Variants in PRKN observed in about 807,000 individuals in gnomAD.
PRKN encodes the protein parkin RBR E3 ubiquitin protein ligase.
Under a neutral mutation model 59.5 loss-of-function variants are expected in PRKN, and 56 were observed. That is an observed-to-expected ratio of 0.94 (90% CI 0.76 to 1.18). The LOEUF (loss-of-function observed/expected upper bound fraction) is 1.18. PRKN is among the 50% of genes most tolerant of loss of function. PRKN has a pLI of 0.00. For missense variants in PRKN, 657 were observed against 596.4 expected, an observed-to-expected ratio of 1.10 and a Z score of -1.06; for synonymous variants, 250 against 222.1, an observed-to-expected ratio of 1.13 and a Z score of -1.12.
At chr6:161,688,135 T>C (rs6904254) in intron 7 of PRKN, among the ~76,000 whole-genome samples, 1,679 of 152,300 alleles carry the variant, frequency 0.011, 30 homozygotes, top group African/African-American at 0.039. Context: ...TTAAGCTGCA[T>C]TGCTTTTCCG....
Position 161,464,524 on chromosome 6 carries a change from A to C in PRKN, c.1084-77647T>G, listed in dbSNP as rs551684395. 2.6e-5 allele frequency among the ~76,000 whole-genome samples: 4 copies of C among 152,278 alleles called. No homozygotes were observed. In the South Asian group the frequency reaches 6.2e-4, roughly 24 times the overall value. On this transcript the variant is annotated intron_variant, in intron 9 of 11. Coordinates refer to ENST00000366898, the MANE Select transcript of PRKN (RefSeq NM_004562.3). ...CAATATATGCACCACTACAATCAGG[A>C]TGTATTTTATAACCTTTCCATGTTC... is the stretch of plus-strand genomic sequence containing the variant.
At chr6:162,491,143 GCC>G (rs1324321129) in intron 1 of PRKN, among the ~76,000 whole-genome samples, 1 of 150,418 alleles carries the variant, frequency 6.6e-6, no homozygotes, top group Non-Finnish European at 1.5e-5. Context: ...GGTGACACAT[GCC>G]TGTAGTCCCA....
chr6:161,515,267 C>T (rs745753628), intron 9 of PRKN, among the ~76,000 whole-genome samples: 6 of 152,010 alleles, frequency 3.9e-5, no homozygotes, highest in East Asian at 1.9e-4. Flanking sequence ...CACAGAACAG[C>T]GTTAGATAAT....
Position 161,533,575 on chromosome 6 carries a change from T to C in PRKN, c.1083+15279A>G, listed in dbSNP as rs1259272927. On this transcript the variant is annotated intron_variant, in intron 9 of 11. Transcript: ENST00000366898. The surrounding 1 kb of genome is among the most constrained non-coding windows in gnomAD (Gnocchi z 4.1). ...GCCCATTTGCATAATAAGATTAGGG[T>C]GGGGCGACCAGCCTTCTTCGCGTGC... 6.6e-6 allele frequency among the ~76,000 whole-genome samples: 1 copy of C among 152,100 alleles called. No homozygotes were observed. The highest frequency in any genetic ancestry group is 2.4e-5 in the African/African-American group (1 of 41,406).
intron 2 of PRKN, among the ~76,000 whole-genome samples, chr6:162,385,880 T>G (rs1467065676): frequency 2.0e-5 from 3 of 152,162 alleles, no homozygotes; most frequent in Non-Finnish European, 2.9e-5. Context: ...AAAAAAAGTT[T>G]CAGATTCCAA....
At chr6:161,350,623 T>TATA (rs1784495071) in intron 11 of PRKN, among the ~76,000 whole-genome samples, 1 of 122,290 alleles carries the variant, frequency 8.2e-6, no homozygotes, top group Admixed American at 1.0e-4. Flanking sequence ...AATATATATA[T>TATA]TTTTATATAT....
In PRKN at chr6:161,542,924, T is replaced by C. The variant is rs572964071; in HGVS notation, c.1083+5930A>G. Reference sequence around the variant, plus strand: ...AAAAAACTCAATATGGTTTAAAAAATATCTAAGCATAATTTAATGAAATTA... The same window carrying C: ...AAAAAACTCAATATGGTTTAAAAAACATCTAAGCATAATTTAATGAAATTA... On this transcript the variant is annotated intron_variant, in intron 9 of 11. Transcript: ENST00000366898. 2.0e-4 allele frequency among the ~76,000 whole-genome samples: 31 copies of C among 152,322 alleles called. 1 individual carries two copies. Among genetic ancestry groups the C allele is most frequent in the African/African-American group, 7.2e-4 (30 of 41,574 alleles).
intron 2 of PRKN, among the ~76,000 whole-genome samples, chr6:162,362,502 A>G (rs530928489): frequency 2.6e-5 from 4 of 152,312 alleles, no homozygotes; most frequent in South Asian, 2.1e-4. Flanking sequence ...ACTGAAAAAT[A>G]ATCCTATTTG....
At chr6:162,138,126 A>G (rs12661355) in intron 4 of PRKN, among the ~76,000 whole-genome samples, 15,295 of 152,232 alleles carry the variant, frequency 0.1, 1,053 homozygotes, top group East Asian at 0.22. Flanking sequence ...TGACTTGCAC[A>G]GAGAGAGTTC....
rs1471335166 is a variant in PRKN at position 161,499,962 on chromosome 6, T to C, written c.1083+48892A>G. ...GAACACCAAGTTGTCTTCTGAATGC[T>C]GCCCTCACTCTCCTCCTTCCCCACT... is the stretch of plus-strand genomic sequence containing the variant. On this transcript the variant is annotated intron_variant, in intron 9 of 11. Transcript: ENST00000366898. The surrounding 1 kb of genome is among the most constrained non-coding windows in gnomAD (Gnocchi z 4.2). 2.0e-5 allele frequency among the ~76,000 whole-genome samples: 3 copies of C among 152,202 alleles called. No homozygotes were observed. The highest frequency in any genetic ancestry group is 4.4e-5 in the Non-Finnish European group (3 of 68,038).
intron 1 of PRKN, among the ~76,000 whole-genome samples, chr6:162,507,062 A>G (rs1172894886): frequency 6.6e-6 from 1 of 152,182 alleles, no homozygotes; most frequent in Non-Finnish European, 1.5e-5. Context: ...ATGAGAAGGC[A>G]AGCACTCCAA....
chr6:162,692,277 T>G (rs548597609), intron 1 of PRKN, among the ~76,000 whole-genome samples: 2 of 152,100 alleles, frequency 1.3e-5, no homozygotes, highest in African/African-American at 4.8e-5. Context: ...TTAGCAGTCT[T>G]GAGGTTTTCA....
intron 6 of PRKN, among the ~76,000 whole-genome samples, chr6:161,827,594 C>A (rs1218122812): frequency 1.3e-5 from 2 of 148,364 alleles, no homozygotes; most frequent in African/African-American, 5.0e-5. Context: ...CCTGAAACCT[C>A]TGCCTCTGGT....
At chr6:162,351,782 G>A (rs1562693866) in intron 2 of PRKN, among the ~76,000 whole-genome samples, 1 of 152,102 alleles carries the variant, frequency 6.6e-6, no homozygotes, top group African/African-American at 2.4e-5. Context: ...GATTGTAATG[G>A]ATGAAAGAAT....
At chr6:162,421,700 AAAACAGCAACAGTCTACTGC>A (rs1788975504) in intron 2 of PRKN, among the ~76,000 whole-genome samples, 2 of 152,176 alleles carry the variant, frequency 1.3e-5, no homozygotes, top group Non-Finnish European at 2.9e-5. Context: ...GCATTACAGG[AAAACAGCAACAGTCTACTGC>A]AAACAAGGAG....
At chr6:161,988,890 T>C (rs1789987) in intron 5 of PRKN, among the ~76,000 whole-genome samples, 31,561 of 152,214 alleles carry the variant, frequency 0.21, 4,072 homozygotes, top group Non-Finnish European at 0.28. Context: ...ATGGTAGCTG[T>C]CTTTATCATG....
rs532428004 is a variant in PRKN, at chr6:161,730,524, T to C, written c.871+55248A>G. Among the ~76,000 whole-genome samples, 32 of 151,226 alleles carry C rather than the reference T, an allele frequency of 2.1e-4. 2 individuals are homozygous for C. The highest frequency in any genetic ancestry group is 7.2e-4 in the African/African-American group (29 of 40,548). ...GTCTGATGTGTTGCATTCTGAAGTG[T>C]TGCATTCTTTCTGATGTGTTGCATT... On this transcript the variant is annotated intron_variant, in intron 7 of 11. Transcript: ENST00000366898.
chr6:161,629,554 T>G (rs1230557032), intron 7 of PRKN, among the ~76,000 whole-genome samples: 2 of 152,148 alleles, frequency 1.3e-5, no homozygotes, highest in Non-Finnish European at 2.9e-5. Context: ...GATTATCCAG[T>G]GGTCACAAAA....
intron 4 of PRKN, among the ~76,000 whole-genome samples, chr6:162,084,218 T>C (rs1190241056): frequency 6.6e-6 from 1 of 152,086 alleles, no homozygotes; most frequent in Non-Finnish European, 1.5e-5. Context: ...TTAAAAGCAA[T>C]AGCAAAACCT....
Sources: gnomAD v4.1 joint callset for allele counts (sites outside exome capture counted in the v4.1 genomes callset) on GRCh38, gnomAD v4.1.1 for gene constraint, Gnocchi (gnomAD v3.1) non-coding constraint, MANE v1.5 for transcripts, NCBI Gene and HGNC (gene_info 2026-07-23, HGNC 2026-07-21) for gene names.